GABRA2: variants seen among roughly 807,000 people sequenced by gnomAD.
GABRA2 encodes gamma-aminobutyric acid receptor subunit alpha-2.
In GABRA2, 16 loss-of-function variants were observed where a neutral mutation model predicts 48.7. That is an observed-to-expected ratio of 0.33 (90% CI 0.22 to 0.50). The LOEUF (loss-of-function observed/expected upper bound fraction) is 0.50. Among genes scored for constraint, GABRA2 ranks in the 20% least tolerant of loss-of-function variants. GABRA2 has a pLI of 0.98. For missense variants in GABRA2, 275 were observed against 535.6 expected (o/e 0.51, Z 4.80); for synonymous variants, 185 against 184.5 (o/e 1.00, Z -0.02).
intron 4 of GABRA2, among the ~76,000 whole-genome samples, chr4:46,325,799 C>T (rs1267971121): frequency 6.6e-6 from 1 of 151,978 alleles, no homozygotes; most frequent in Admixed American, 6.6e-5. Context: ...ATATGGCTAG[C>T]CAGTTATCCT....
chr4:46,279,898 CTACTTATAGATTATATAAGTAG>C (rs1226138763), intron 8 of GABRA2, among the ~76,000 whole-genome samples: 4 of 152,038 alleles, frequency 2.6e-5, no homozygotes, highest in Non-Finnish European at 4.4e-5. Flanking sequence ...TTGCATTCCA[CTACTTATAGATTATATAAGTAG>C]TACTTATAGA....
chr4:46,297,189 T>G (rs1158875309), intron 8 of GABRA2, among the ~76,000 whole-genome samples: 3 of 151,964 alleles, frequency 2.0e-5, no homozygotes, highest in African/African-American at 7.3e-5. Context: ...TAACATTTGA[T>G]TCAGTGGACT....
chr4:46,312,443 T>A (rs890329799), intron 5 of GABRA2, 53 bp downstream of exon 5: 7 of 1,218,690 alleles, frequency 5.7e-6, no homozygotes, highest in Non-Finnish European at 7.1e-6. Context: ...GGTTGTTTAA[T>A]ACATGAAAAT....
chr4:46,263,017 G>C (rs1042474499), intron 8 of GABRA2, among the ~76,000 whole-genome samples: 2 of 145,134 alleles, frequency 1.4e-5, no homozygotes, highest in African/African-American at 5.2e-5. Flanking sequence ...AGAAAGATAT[G>C]TTGCTTTCCT....
In GABRA2 at chr4:46,297,476, CATATATATATAT is replaced by C. The variant is rs56201706; in HGVS notation, c.856+5972_856+5983del. 2.9e-3 allele frequency among the ~76,000 whole-genome samples: 255 copies of C among 87,910 alleles called. 12 individuals carry two copies. Among genetic ancestry groups the C allele is most frequent in the Middle Eastern group, 6.3e-3 (1 of 160 alleles). 57.7% of individuals were successfully genotyped at this position (87,910 alleles called of 152,430 possible). A position where few individuals can be genotyped will look rare whatever the true frequency, so the allele number is the denominator to read the frequency against. ...GAGTTAATACTACTTAATAAAATCC[CATATATATATAT>C]ATATATATATATATATATATATATA... On this transcript the variant is annotated intron_variant, in intron 8 of 9. Transcript: ENST00000381620.
chr4:46,303,747 A>G, intron 7 of GABRA2, 135 bp from the exon 8 acceptor site: 1 of 737,374 alleles, frequency 1.4e-6, no homozygotes, highest in East Asian at 2.7e-5. Context: ...GGAAATTTAT[A>G]TCACTTTTAA....
chr4:46,252,015 G>T (rs144502068), intron 9 of GABRA2, among the ~76,000 whole-genome samples: 245 of 151,644 alleles, frequency 1.6e-3, no homozygotes, highest in African/African-American at 5.5e-3. Context: ...TGAGCAGGGT[G>T]TAAAGCAACA....
Position 46,389,846 on chromosome 4 carries a change from A to G in GABRA2, c.-122T>C, listed in dbSNP as rs895205041. 1,131 of 978,442 alleles carry G rather than the reference A, an allele frequency of 1.2e-3. No individual in the cohort carries two copies. The highest frequency in any genetic ancestry group is 1.3e-3 in the Non-Finnish European group (1,060 of 826,680). 60.6% of individuals were successfully genotyped at this position (978,442 alleles called of 1,614,324 possible). A position where few individuals can be genotyped will look rare whatever the true frequency, so the allele number is the denominator to read the frequency against. On this transcript the variant is annotated 5_prime_UTR_variant, in exon 1 of 10. Coordinates refer to ENST00000381620, the MANE Select transcript of GABRA2 (RefSeq NM_000807.4). ...GAGAGAGAGAGAGAGAGAGAGAGAGAGAGAGAGAGAGAGAGACCGAGACTG... is the reference window on the plus strand; with the variant it reads ...GAGAGAGAGAGAGAGAGAGAGAGAGGGAGAGAGAGAGAGAGACCGAGACTG...
At chr4:46,379,974 A>G (rs1716538080) in intron 3 of GABRA2, among the ~76,000 whole-genome samples, 1 of 152,126 alleles carries the variant, frequency 6.6e-6, no homozygotes, top group Non-Finnish European at 1.5e-5. Context: ...CGATGTCTCC[A>G]CCACCCATAA....
chr4:46,296,257 GC>G (rs2109572654), intron 8 of GABRA2, among the ~76,000 whole-genome samples: 1 of 152,234 alleles, frequency 6.6e-6, no homozygotes, highest in South Asian at 2.1e-4. Flanking sequence ...TGATCCATTA[GC>G]AAAATTTTTG....
At chr4:46,382,034 G>C (rs750939135) in intron 3 of GABRA2, among the ~76,000 whole-genome samples, 1 of 151,994 alleles carries the variant, frequency 6.6e-6, no homozygotes, top group African/African-American at 2.4e-5. Context: ...TGCCAGGCAC[G>C]GTTCTAGATG....
At chr4:46,304,249 T>G (rs1726245142) in intron 7 of GABRA2, among the ~76,000 whole-genome samples, 2 of 152,162 alleles carry the variant, frequency 1.3e-5, no homozygotes, top group Admixed American at 1.3e-4. Flanking sequence ...GCTCCAAAAG[T>G]ATTGATGTCT....
chr4:46,250,115 G>A lies in GABRA2; in HGVS notation c.*193C>T. 1.9e-6 allele frequency: 1 copy of A among 516,958 alleles called. No homozygotes were observed. Among genetic ancestry groups the A allele is most frequent in the South Asian group, 3.1e-5 (1 of 31,912 alleles). 32.0% of individuals were successfully genotyped at this position (516,958 alleles called of 1,614,324 possible). ...AAAAAGGCAATGGCTGTTTTCGCAT[G>A]GAGTGCTTTCTGTCTGCAGTTCCAT... On this transcript the variant is annotated 3_prime_UTR_variant, in exon 10 of 10. Transcript: ENST00000381620.
chr4:46,303,403 T>C, intron 8 of GABRA2, 57 bp downstream of exon 8: 1 of 1,491,702 alleles, frequency 6.7e-7, no homozygotes. Flanking sequence ...AGATAATGTT[T>C]TTGAAAGTAT....
chr4:46,388,615 C>T (rs1560618394), intron 2 of GABRA2, 21 bp downstream of exon 2: 1 of 1,613,542 alleles, frequency 6.2e-7, no homozygotes, highest in East Asian at 2.2e-5. Context: ...TTAAAATAGT[C>T]AAATACAATA....
intron 4 of GABRA2, among the ~76,000 whole-genome samples, chr4:46,312,933 T>C (rs1303288979): frequency 6.6e-6 from 1 of 151,968 alleles, no homozygotes; most frequent in Non-Finnish European, 1.5e-5. Context: ...CTATATATTC[T>C]TCTGAAAAGA....
At chr4:46,253,718 T>C (rs1177081788) in intron 9 of GABRA2, among the ~76,000 whole-genome samples, 1 of 151,414 alleles carries the variant, frequency 6.6e-6, no homozygotes. Context: ...CCATTTTTAG[T>C]TAAGAACCCA....
intron 1 of GABRA2, chr4:46,388,988 TGCCAGGAACGTCCCCCA>T: frequency 8.1e-7 from 1 of 1,238,056 alleles, no homozygotes; most frequent in Non-Finnish European, 1.0e-6. Context: ...GACTTCTCTC[TGCCAGGAACGTCCCCCA>T]GCCTCATCGT....
intron 8 of GABRA2, among the ~76,000 whole-genome samples, chr4:46,263,175 C>CA (rs777582552): frequency 6.6e-6 from 1 of 151,530 alleles, no homozygotes; most frequent in Non-Finnish European, 1.5e-5. Context: ...AAAGGTAATA[C>CA]AAAAAAAGTT....
Sources: allele counts gnomAD v4.1 joint callset (sites outside exome capture counted in the v4.1 genomes callset), GRCh38; gene constraint gnomAD v4.1.1; transcripts MANE v1.5; gene names NCBI Gene and HGNC (gene_info 2026-07-23, HGNC 2026-07-21).